UNC5D: variants seen among roughly 807,000 people sequenced by gnomAD.
UNC5D encodes unc-5 netrin receptor D.
In UNC5D, 39 loss-of-function variants were observed where a neutral mutation model predicts 105.4. The ratio of observed to expected loss-of-function variants is 0.37; its 90% CI spans 0.29 to 0.48. The LOEUF is 0.48. Ranked by LOEUF, UNC5D falls within the 20% of genes least tolerant of loss-of-function variation. The pLI, the probability that UNC5D is intolerant of heterozygous loss-of-function variation, is 0.98. For synonymous variants in UNC5D, 452 were observed against 450.4 expected, an observed-to-expected ratio of 1.00 and a Z score of -0.04; for missense variants, 991 against 1,202.4, an observed-to-expected ratio of 0.82 and a Z score of 2.60.
intron 13 of UNC5D, among the ~76,000 whole-genome samples, chr8:35,757,578 G>T (rs779143265): frequency 2.0e-5 from 3 of 152,128 alleles, no homozygotes; most frequent in Non-Finnish European, 4.4e-5. Context: ...TTCATGTATG[G>T]TAATAGATAC....
Position 35,549,520 on chromosome 8 carries a change from T to C in UNC5D, c.322+10T>C. On this transcript the variant is annotated intron_variant, in intron 2 of 16. Coordinates refer to ENST00000404895, the MANE Select transcript of UNC5D (RefSeq NM_080872.4). Reference sequence around the variant, plus strand: ...CTGGACGAGAGCTCAGGTAGGAGCGTGCAGCAGTCAGAAGCAGCTGTGGTG... The same window carrying C: ...CTGGACGAGAGCTCAGGTAGGAGCGCGCAGCAGTCAGAAGCAGCTGTGGTG... 1.9e-6 allele frequency: 3 copies of C among 1,609,404 alleles called. No homozygotes were observed. Among genetic ancestry groups the C allele is most frequent in the Non-Finnish European group, 2.5e-6 (3 of 1,178,518 alleles).
At chr8:35,556,104 A>G (rs1211992120) in intron 2 of UNC5D, among the ~76,000 whole-genome samples, 2 of 152,160 alleles carry the variant, frequency 1.3e-5, no homozygotes, top group Non-Finnish European at 2.9e-5. Context: ...CCACAATCAC[A>G]TAGCACCTAA....
chr8:35,758,987 A>C (rs955028461), intron 13 of UNC5D, among the ~76,000 whole-genome samples: 24 of 152,332 alleles, frequency 1.6e-4, no homozygotes, highest in Admixed American at 1.6e-3. Flanking sequence ...TGAAATTCCT[A>C]CAGTTGTGGA....
At chr8:35,717,424 C>A (rs1191230725) in intron 8 of UNC5D, among the ~76,000 whole-genome samples, 1 of 152,142 alleles carries the variant, frequency 6.6e-6, no homozygotes, top group Non-Finnish European at 1.5e-5. Context: ...GTCCTTTGGA[C>A]ACATTGATGA....
intron 8 of UNC5D, among the ~76,000 whole-genome samples, chr8:35,710,059 T>G (rs1827846161): frequency 6.6e-6 from 1 of 152,170 alleles, no homozygotes; most frequent in Non-Finnish European, 1.5e-5. Context: ...CCTAATATAT[T>G]CAAGGAAAAG....
At chr8:35,507,223 A>T (rs2579888) in intron 1 of UNC5D, among the ~76,000 whole-genome samples, 68,806 of 150,348 alleles carry the variant, frequency 0.46, 19,862 homozygotes, top group African/African-American at 0.82. Flanking sequence ...GCCCGGCTAA[A>T]TTTTTGTATT....
At chr8:35,282,179 C>G (rs760091533) in intron 1 of UNC5D, among the ~76,000 whole-genome samples, 37 of 152,314 alleles carry the variant, frequency 2.4e-4, no homozygotes, top group Admixed American at 1.0e-3. Flanking sequence ...CATGAAACAG[C>G]AGCCACTCTC....
chr8:35,752,886 T>C (rs999537737), intron 13 of UNC5D, among the ~76,000 whole-genome samples: 2 of 152,148 alleles, frequency 1.3e-5, no homozygotes, highest in Admixed American at 6.5e-5. Flanking sequence ...CTGGCTGATA[T>C]AGATAACCCA....
At chr8:35,573,994 G>T (rs147836868) in intron 3 of UNC5D, among the ~76,000 whole-genome samples, 2 of 152,170 alleles carry the variant, frequency 1.3e-5, no homozygotes, top group Admixed American at 6.5e-5. Context: ...ACTCCCACGG[G>T]CCTCCTCTCG....
chr8:35,662,186 CAAAAAAAA>C, intron 4 of UNC5D, among the ~76,000 whole-genome samples: 1 of 108,660 alleles, frequency 9.2e-6, no homozygotes, highest in South Asian at 3.1e-4. Flanking sequence ...CAAAAGCTTT[CAAAAAAAA>C]AAAAAAAAAA....
At chr8:35,782,670 A>T (rs1802557767) in intron 16 of UNC5D, among the ~76,000 whole-genome samples, 1 of 151,912 alleles carries the variant, frequency 6.6e-6, no homozygotes. Flanking sequence ...CAGCTGACTA[A>T]TTCTTTGTAT....
intron 1 of UNC5D, chr8:35,256,632 G>T (rs1585426870): frequency 6.6e-6 from 1 of 151,858 alleles, no homozygotes; most frequent in Non-Finnish European, 1.5e-5. Context: ...TAAAACTCAG[G>T]TATATACTTT....
intron 15 of UNC5D, among the ~76,000 whole-genome samples, chr8:35,770,893 C>T (rs1158976915): frequency 6.6e-6 from 1 of 152,114 alleles, no homozygotes; most frequent in African/African-American, 2.4e-5. Context: ...CCTTAGCTTA[C>T]CAGGTAGCAG....
rs57450378 is a variant in UNC5D at position 35,612,723 on chromosome 8, C to CTTTTTTTTTTTTTTTTTTTTT, written c.570+17071_570+17091dup. 1.1e-4 allele frequency among the ~76,000 whole-genome samples: 7 copies of CTTTTTTTTTTTTTTTTTTTTT among 64,742 alleles called. 1 individual carries two copies. Among genetic ancestry groups the CTTTTTTTTTTTTTTTTTTTTT allele is most frequent in the East Asian group, 5.6e-4 (1 of 1,796 alleles). 42.5% of individuals were successfully genotyped at this position (64,742 alleles called of 152,430 possible). ...TATTAGAAACTGCTAAATGTTTTGC[C>CTTTTTTTTTTTTTTTTTTTTT]TTTTTTTTTTTTTTTTTTTTTTTTT... On this transcript the variant is annotated intron_variant, in intron 4 of 16. Coordinates refer to ENST00000404895, the MANE Select transcript of UNC5D (RefSeq NM_080872.4).
rs1210837912 is a variant in UNC5D at position 35,261,108 on chromosome 8, G to A, written c.103+25221G>A. Among the ~76,000 whole-genome samples the A allele has an allele frequency of 2.6e-5, 4 of 152,252 alleles. No homozygotes were observed. In the East Asian group the frequency reaches 7.7e-4, roughly 29 times the overall value. ...AGTTACATTCTACTCTGAGTTTACT[G>A]CAGAGAAGCAATTAATTGTGAAACT... On this transcript the variant is annotated intron_variant, in intron 1 of 16. Coordinates refer to ENST00000404895, the MANE Select transcript of UNC5D (RefSeq NM_080872.4).
At chr8:35,345,059 T>C (rs911291446) in intron 1 of UNC5D, among the ~76,000 whole-genome samples, 19 of 152,074 alleles carry the variant, frequency 1.2e-4, no homozygotes, top group Non-Finnish European at 2.9e-5. Context: ...CCATTACATT[T>C]AATGTTTCAA....
intron 1 of UNC5D, among the ~76,000 whole-genome samples, chr8:35,355,598 C>T (rs543419481): frequency 6.6e-5 from 10 of 152,198 alleles, no homozygotes; most frequent in African/African-American, 2.4e-4. Context: ...CTACTATTAA[C>T]GTTGGGTGTT....
chr8:35,749,252 A>T (rs1830147282), intron 12 of UNC5D, among the ~76,000 whole-genome samples: 1 of 152,218 alleles, frequency 6.6e-6, no homozygotes, highest in South Asian at 2.1e-4. Flanking sequence ...AGTAGGAGAC[A>T]AGGAAAGAGA....
intron 1 of UNC5D, among the ~76,000 whole-genome samples, chr8:35,548,649 G>A (rs1365981707): frequency 1.3e-5 from 2 of 152,144 alleles, no homozygotes; most frequent in Non-Finnish European, 2.9e-5. Flanking sequence ...TTAGCGATTT[G>A]TGTTCATTCT....
Sources: gnomAD v4.1 joint callset for allele counts (sites outside exome capture counted in the v4.1 genomes callset) on GRCh38, gnomAD v4.1.1 for gene constraint, MANE v1.5 for transcripts, NCBI Gene and HGNC (gene_info 2026-07-23, HGNC 2026-07-21) for gene names.